The following USP47 variants were observed in gnomAD, a reference collection of about 807,000 sequenced individuals.
USP47 encodes the protein ubiquitin specific peptidase 47.
A neutral mutation model predicts 165.1 loss-of-function variants in USP47; 35 were observed. The observed-to-expected ratio is 0.21, with a 90% confidence interval of 0.16 to 0.28. The LOEUF (loss-of-function observed/expected upper bound fraction) is 0.28, where lower values mean the gene tolerates loss of function less well. Ranked by LOEUF, USP47 falls within the 10% of genes least tolerant of loss-of-function variation. USP47 has a pLI of 1.00. For synonymous variants in USP47, 531 were observed against 544.5 expected, an observed-to-expected ratio of 0.98 and a Z score of 0.35; for missense variants, 1,277 against 1,607.4, an observed-to-expected ratio of 0.79 and a Z score of 3.52.
intron 22 of USP47, 109 bp downstream of exon 22, chr11:11,948,667 A>AT (rs1231730845): frequency 9.6e-7 from 1 of 1,046,146 alleles, no homozygotes; most frequent in Admixed American, 2.4e-5. Flanking sequence ...AGGTCAGCAA[A>AT]TTTTTTCTGG....
At chr11:11,924,480 G>A (rs753415538) in intron 11 of USP47, among the ~76,000 whole-genome samples, 1 of 152,168 alleles carries the variant, frequency 6.6e-6, no homozygotes, top group Non-Finnish European at 1.5e-5. Context: ...CATGTAATAA[G>A]TTAGGGAATG....
chr11:11,867,148 G>A (rs972275688), intron 1 of USP47, among the ~76,000 whole-genome samples: 3 of 152,060 alleles, frequency 2.0e-5, no homozygotes, highest in Non-Finnish European at 2.9e-5. Flanking sequence ...GCGCCCACCC[G>A]GCCCTTTCAA....
intron 20 of USP47, among the ~76,000 whole-genome samples, chr11:11,946,094 G>A (rs1010811805): frequency 1.7e-4 from 26 of 152,138 alleles, no homozygotes; most frequent in African/African-American, 6.3e-4. Context: ...TGGTACAATA[G>A]TAATCTCTAA....
chr11:11,938,994 G>A (rs955016384), intron 18 of USP47, among the ~76,000 whole-genome samples: 3 of 151,946 alleles, frequency 2.0e-5, no homozygotes, highest in Non-Finnish European at 4.4e-5. Context: ...TAGAAATAGA[G>A]GAGGAAGGTG....
chr11:11,933,903 A>T lies in USP47; in HGVS notation c.1837A>T (p.Thr613Ser), dbSNP rs772563006. The change falls in exon 16 of 28, where the codon ACA becomes TCA. Residue 613 changes from threonine (T) to serine (S), a missense_variant. By Grantham distance (58) the Thr-to-Ser change is moderately conservative. Transcript: ENST00000527733. ...TAAATTGGAGGTTCATAAGGATAAG[A>T]CATTAAAGGAAGCAGTAGAAATGGC... ...ENKLEVHKDK[T>S]LKEAVEMAYK... 1 of 1,609,774 alleles carries T rather than the reference A, an allele frequency of 6.2e-7. No individual in the cohort carries two copies. Among genetic ancestry groups the T allele is most frequent in the Non-Finnish European group, 8.5e-7 (1 of 1,177,170 alleles).
chr11:11,899,426 TAG>T (rs1184236748), intron 5 of USP47, among the ~76,000 whole-genome samples: 1 of 152,164 alleles, frequency 6.6e-6, no homozygotes, highest in Non-Finnish European at 1.5e-5. Context: ...GTATAAGGAT[TAG>T]AGTGATGAGT....
At chr11:11,880,411 GTTA>G (rs754454366) in intron 2 of USP47, 31 bp downstream of exon 2, 30 of 1,264,156 alleles carry the variant, frequency 2.4e-5, no homozygotes, top group Admixed American at 8.0e-5. Flanking sequence ...TTCTAAAAAT[GTTA>G]TTATAGCCAT....
In USP47 at chr11:11,957,463, A is replaced by T. The variant is rs188639636; in HGVS notation, c.*1288A>T. 689 of 152,782 alleles carry T rather than the reference A, an allele frequency of 4.5e-3. 4 individuals carry two copies. Among genetic ancestry groups the T allele is most frequent in the African/African-American group, 0.016 (651 of 41,584 alleles). The allele number at this position is 152,782 out of a possible 1,614,324, so 9.5% of individuals were successfully genotyped here. ...AAAAAGGTTTTGGTAAAACTTTTTC[A>T]TGCCAGATGCTGTTTACAACAATGA... On this transcript the variant is annotated 3_prime_UTR_variant, in exon 28 of 28. Coordinates refer to ENST00000527733, the MANE Select transcript of USP47 (RefSeq NM_001282659.2).
intron 8 of USP47, among the ~76,000 whole-genome samples, chr11:11,913,258 C>CAA (rs796881838): frequency 0.053 from 4,184 of 79,200 alleles, 115 homozygotes; most frequent in Middle Eastern, 0.13. Flanking sequence ...ATCCCTTGTA[C>CAA]AAAAAAAAAA....
intron 20 of USP47, 115 bp from the exon 21 acceptor site, chr11:11,947,830 A>C (rs1855944110): frequency 9.5e-7 from 1 of 1,051,626 alleles, no homozygotes; most frequent in South Asian, 2.0e-5. Flanking sequence ...GTCTAACTGA[A>C]AAGGGGTACT....
intron 1 of USP47, among the ~76,000 whole-genome samples, chr11:11,858,231 A>G (rs772416668): frequency 6.6e-5 from 10 of 151,862 alleles, no homozygotes; most frequent in South Asian, 2.1e-4. Context: ...GAACCTGGAC[A>G]TGCTCCACCG....
chr11:11,847,057 G>A (rs912570942), intron 1 of USP47, among the ~76,000 whole-genome samples: 10 of 152,092 alleles, frequency 6.6e-5, no homozygotes, highest in African/African-American at 1.9e-4. Context: ...ATGCAGAATT[G>A]TATATGATTC....
intron 1 of USP47, among the ~76,000 whole-genome samples, chr11:11,850,382 A>G (rs1848656969): frequency 7.0e-6 from 1 of 143,218 alleles, no homozygotes; most frequent in Non-Finnish European, 1.5e-5. Flanking sequence ...TATTTCTGCT[A>G]TAATATGTAT....
At position 11,920,326 on chromosome 11, in the gene USP47, G is replaced by A; in HGVS notation, c.1066-16G>A. The A allele has an allele frequency of 6.2e-7, 1 of 1,602,850 alleles. No homozygotes were observed. Among genetic ancestry groups the A allele is most frequent in the Middle Eastern group, 1.7e-4 (1 of 5,978 alleles). ...TATTCAATAGACTCTCCCCCTTTTT[G>A]TTGTTTGTTTTTTAGGGCCTTCGGT... is the stretch of plus-strand genomic sequence containing the variant. On this transcript the variant is annotated splice_polypyrimidine_tract_variant and intron_variant, in intron 9 of 27. Transcript: ENST00000527733.
At chr11:11,863,352 G>A (rs978113653) in intron 1 of USP47, among the ~76,000 whole-genome samples, 3 of 152,120 alleles carry the variant, frequency 2.0e-5, no homozygotes, top group Admixed American at 6.5e-5. Flanking sequence ...ATTATAACTT[G>A]ATGATGTTTT....
At chr11:11,854,618 A>G (rs1211503518) in intron 1 of USP47, among the ~76,000 whole-genome samples, 1 of 147,672 alleles carries the variant, frequency 6.8e-6, no homozygotes, top group Admixed American at 6.8e-5. Context: ...TATTCAACAA[A>G]TATTTGTGGA....
chr11:11,903,085 C>G (rs548287742), intron 6 of USP47, among the ~76,000 whole-genome samples, 178 bp from the exon 7 acceptor site: 1 of 152,210 alleles, frequency 6.6e-6, no homozygotes, highest in South Asian at 2.1e-4. Flanking sequence ...ATGCTGCAAT[C>G]TATTTTCTGG....
chr11:11,892,390 T>C (rs981050256), intron 4 of USP47, among the ~76,000 whole-genome samples: 1 of 147,114 alleles, frequency 6.8e-6, no homozygotes, highest in African/African-American at 2.5e-5. Flanking sequence ...CTTTTTTTTT[T>C]TTTTTTTTTG....
At chr11:11,892,834 AGAAAAAG>A (rs1851625903) in intron 4 of USP47, among the ~76,000 whole-genome samples, 4 of 129,972 alleles carry the variant, frequency 3.1e-5, no homozygotes, top group East Asian at 2.4e-4. Flanking sequence ...AAAAAAAAAA[AGAAAAAG>A]AAAAAAAAAA....
Sources: gnomAD v4.1 joint callset for allele counts (sites outside exome capture counted in the v4.1 genomes callset) on GRCh38, gnomAD v4.1.1 for gene constraint, MANE v1.5 for transcripts, NCBI Gene and HGNC (gene_info 2026-07-23, HGNC 2026-07-21) for gene names.